Variants in MECOM observed in about 807,000 individuals in gnomAD.
MECOM encodes the protein histone-lysine N-methyltransferase MECOM.
MECOM carries 13 observed loss-of-function variants against 116.3 expected under a neutral mutation model. The ratio of observed to expected loss-of-function variants is 0.11; its 90% confidence interval spans 0.07 to 0.18. The LOEUF (loss-of-function observed/expected upper bound fraction) is 0.18, where lower values mean the gene tolerates loss of function less well. Ranked by LOEUF, MECOM falls within the 10% of genes least tolerant of loss-of-function variation. The probability of loss-of-function intolerance (pLI) is 1.00; values close to 1 mark genes in which losing one functional copy is unlikely to be tolerated. For missense variants in MECOM, 1,299 were observed against 1,509.0 expected, an observed-to-expected ratio of 0.86 and a Z score of 2.31; for synonymous variants, 528 against 535.2, an observed-to-expected ratio of 0.99 and a Z score of 0.19.
intron 1 of MECOM, among the ~76,000 whole-genome samples, chr3:169,625,100 T>C (rs1473181489): frequency 6.6e-6 from 1 of 151,966 alleles, no homozygotes; most frequent in Non-Finnish European, 1.5e-5. Context: ...AGCAGTATTG[T>C]GGTTTTTTCA....
intron 1 of MECOM, among the ~76,000 whole-genome samples, chr3:169,628,490 A>G (rs925048796): frequency 5.2e-4 from 79 of 152,330 alleles, no homozygotes; most frequent in African/African-American, 1.9e-3. Flanking sequence ...TTTATGGAGC[A>G]CCTTTCCTTT....
chr3:169,378,503 AAGAAAGAAAGAAAAGAAAGAAAGAAAG>A lies in MECOM; in HGVS notation c.375+2657_375+2683del, dbSNP rs1460760090. Among the ~76,000 whole-genome samples, 57 of 33,158 alleles carry A rather than the reference AAGAAAGAAAGAAAAGAAAGAAAGAAAG, an allele frequency of 1.7e-3. 4 individuals are homozygous for A. Among genetic ancestry groups the A allele is most frequent in the African/African-American group, 5.3e-3 (32 of 6,012 alleles). 21.8% of individuals were successfully genotyped at this position (33,158 alleles called of 152,430 possible). A position where few individuals can be genotyped will look rare whatever the true frequency, so the allele number is the denominator to read the frequency against. On this transcript the variant is annotated intron_variant, in intron 2 of 16. Coordinates refer to ENST00000651503, the MANE Select transcript of MECOM (RefSeq NM_004991.4). Reference sequence around the variant, plus strand: ...AAAGAGAGAGAGAAAGAAAGAAAGAAAGAAAGAAAGAAAAGAAAGAAAGAAAGAAAGAAAGAAAGAAAGAAAGAAAGA... The same window carrying A: ...AAAGAGAGAGAGAAAGAAAGAAAGAAAAAGAAAGAAAGAAAGAAAGAAAGA...
chr3:169,354,553 G>A (rs1373910371), intron 2 of MECOM, among the ~76,000 whole-genome samples: 2 of 151,806 alleles, frequency 1.3e-5, no homozygotes, highest in Non-Finnish European at 2.9e-5. Flanking sequence ...TTACCCATAG[G>A]TTAAATCCTA....
intron 1 of MECOM, chr3:169,447,886 A>G (rs1744917843): frequency 6.6e-6 from 1 of 152,296 alleles, no homozygotes; most frequent in South Asian, 2.1e-4. Context: ...GTAACTCTGC[A>G]TAGCTGGAAT....
chr3:169,382,755 A>T (rs1482901385), intron 1 of MECOM, among the ~76,000 whole-genome samples: 1 of 146,308 alleles, frequency 6.8e-6, no homozygotes, highest in Non-Finnish European at 1.5e-5. Flanking sequence ...TGAGAGGCTG[A>T]GGTGGGAGGA....
At chr3:169,176,888 G>C (rs925085090) in intron 2 of MECOM, among the ~76,000 whole-genome samples, 1 of 152,116 alleles carries the variant, frequency 6.6e-6, no homozygotes, top group African/African-American at 2.4e-5. Flanking sequence ...CTGATCATTA[G>C]AGAAATGCAA....
intron 2 of MECOM, among the ~76,000 whole-genome samples, chr3:169,337,019 G>A (rs543400254): frequency 6.6e-6 from 1 of 152,224 alleles, no homozygotes; most frequent in African/African-American, 2.4e-5. Context: ...AAGTAGTTAA[G>A]TTTTATATGT....
chr3:169,142,744 G>T (rs572823773), intron 3 of MECOM, among the ~76,000 whole-genome samples: 1 of 152,036 alleles, frequency 6.6e-6, no homozygotes, highest in East Asian at 1.9e-4. Flanking sequence ...GAATGAAATA[G>T]AGTCTTAGAC....
chr3:169,603,728 A>T (rs1158573723), intron 1 of MECOM, among the ~76,000 whole-genome samples: 1 of 152,210 alleles, frequency 6.6e-6, no homozygotes, highest in African/African-American at 2.4e-5. Flanking sequence ...AACAGGGTAC[A>T]CCATACGGCT....
chr3:169,483,196 A>AT (rs757660718), intron 1 of MECOM, among the ~76,000 whole-genome samples: 2,501 of 104,488 alleles, frequency 0.024, 47 homozygotes, highest in South Asian at 0.074. Context: ...TTTTATTTTT[A>AT]TTTTTATTTT....
At chr3:169,443,167 T>C (rs142441108) in intron 1 of MECOM, among the ~76,000 whole-genome samples, 16 of 152,328 alleles carry the variant, frequency 1.1e-4, no homozygotes, top group African/African-American at 3.8e-4. Flanking sequence ...TGGTATCCCA[T>C]GGAAAAGAAT....
chr3:169,359,562 T>C (rs1486482592), intron 2 of MECOM, among the ~76,000 whole-genome samples: 1 of 151,766 alleles, frequency 6.6e-6, no homozygotes, highest in African/African-American at 2.4e-5. Context: ...ATGATTTTCA[T>C]CAAGTGCTTT....
chr3:169,635,896 G>A (rs954900750), intron 1 of MECOM, among the ~76,000 whole-genome samples: 14 of 152,000 alleles, frequency 9.2e-5, no homozygotes, highest in African/African-American at 3.1e-4. Context: ...ATCTTCTGTC[G>A]AGCCTTCCCA....
chr3:169,282,894 T>G (rs1281592813), intron 2 of MECOM, among the ~76,000 whole-genome samples: 1 of 152,108 alleles, frequency 6.6e-6, no homozygotes. Context: ...TCTTAATTTT[T>G]TTTTTTCTGT....
intron 6 of MECOM, 51 bp downstream of exon 6, chr3:169,122,529 G>T: frequency 1.2e-6 from 2 of 1,604,860 alleles, no homozygotes; most frequent in East Asian, 2.2e-5. Flanking sequence ...GATGGATTAA[G>T]AGAGAGCAGG....
At chr3:169,438,870 A>G (rs542136028) in intron 1 of MECOM, among the ~76,000 whole-genome samples, 18 of 152,276 alleles carry the variant, frequency 1.2e-4, no homozygotes, top group Admixed American at 2.0e-4. Flanking sequence ...ATTTTCAACC[A>G]AAATTTACTG....
intron 10 of MECOM, 131 bp from the exon 11 acceptor site, chr3:169,102,357 T>A: frequency 3.1e-6 from 2 of 652,214 alleles, no homozygotes; most frequent in Non-Finnish European, 4.8e-6. Context: ...GACTGTAGTA[T>A]CCCAATATTA....
At chr3:169,139,598 G>T (rs1737470746) in intron 3 of MECOM, among the ~76,000 whole-genome samples, 2 of 152,104 alleles carry the variant, frequency 1.3e-5, no homozygotes, top group South Asian at 4.1e-4. Flanking sequence ...TAGGTAAATT[G>T]TGTCTTAGTG....
chr3:169,489,413 A>G lies in MECOM; in HGVS notation c.38-107889T>C, dbSNP rs1183781635. ...GTGAAACTTGACAAGCTGACTGTAA[A>G]TTTTATATGGAAGAATAAATGACTG... On this transcript the variant is annotated intron_variant, in intron 1 of 16. Transcript: ENST00000651503. Among the ~76,000 whole-genome samples the G allele has an allele frequency of 2.0e-5, 3 of 152,220 alleles. No homozygotes were observed. In the East Asian group the frequency reaches 5.8e-4, roughly 29 times the overall value.
Sources: gnomAD v4.1 joint callset for allele counts (sites outside exome capture counted in the v4.1 genomes callset) on GRCh38, gnomAD v4.1.1 for gene constraint, MANE v1.5 for transcripts, NCBI Gene and HGNC (gene_info 2026-07-23, HGNC 2026-07-21) for gene names.